The following CELSR1 variants were observed in gnomAD, a reference collection of about 807,000 sequenced individuals.
CELSR1 encodes the protein cadherin EGF LAG seven-pass G-type receptor 1, also known as adhesion G protein-coupled receptor C1.
CELSR1 carries 110 observed loss-of-function variants against 249.1 expected under a neutral mutation model. The observed-to-expected ratio is 0.44, with a 90% confidence interval of 0.38 to 0.52. The LOEUF is 0.52. CELSR1 is among the 20% of genes least tolerant of loss of function. The probability of loss-of-function intolerance (pLI) is 0.00; values close to 1 mark genes in which losing one functional copy is unlikely to be tolerated. For missense variants in CELSR1, 4,109 were observed against 4,296.4 expected, an observed-to-expected ratio of 0.96 and a Z score of 1.22; for synonymous variants, 2,113 against 1,900.0, an observed-to-expected ratio of 1.11 and a Z score of -2.92.
Position 46,389,484 on chromosome 22 carries a change from G to A in CELSR1, c.6361C>T (p.Arg2121Cys), listed in dbSNP as rs575259420. 1.2e-4 allele frequency: 190 copies of A among 1,613,322 alleles called. No homozygotes were observed. The highest frequency in any genetic ancestry group is 1.5e-4 in the Non-Finnish European group (172 of 1,180,012). The change falls in exon 18 of 35, where the codon CGC (arginine) becomes TGC (cysteine). Residue 2121 changes from arginine (R) to cysteine (C), a missense_variant. Coordinates refer to ENST00000674500, the MANE Select transcript of CELSR1 (RefSeq NM_001378328.1). ...DLRAMNEKLS[R>C]NETQVDGARA... Reference sequence around the variant, plus strand: ...GCGCCGTCCACCTGCGTCTCATTGCGGCTCAGCTTCTCATTCTGGAACAGG... The same window carrying A: ...GCGCCGTCCACCTGCGTCTCATTGCAGCTCAGCTTCTCATTCTGGAACAGG...
chr22:46,405,742 G>A (rs1224502265), intron 9 of CELSR1, among the ~76,000 whole-genome samples: 1 of 152,102 alleles, frequency 6.6e-6, no homozygotes, highest in Non-Finnish European at 1.5e-5. Context: ...GATTACAATG[G>A]AGTCTTCTTT....
rs1488154251 is a variant in CELSR1 at position 46,401,701 on chromosome 22, C to T, written c.5227-1799G>A. Among the ~76,000 whole-genome samples, 1 of 152,234 alleles carries T rather than the reference C, an allele frequency of 6.6e-6. No homozygotes were observed. The highest frequency in any genetic ancestry group is 2.4e-5 in the African/African-American group (1 of 41,454). On this transcript the variant is annotated intron_variant, in intron 9 of 34. Coordinates refer to ENST00000674500, the MANE Select transcript of CELSR1 (RefSeq NM_001378328.1). The surrounding 1 kb of genome is among the most constrained non-coding windows in gnomAD (Gnocchi z 4.7). ...AGGATTAAAAACTGGGGTTCATGGA[C>T]TGCCAAGGGTTGTTCCTTGGCTTCT...
intron 1 of CELSR1, among the ~76,000 whole-genome samples, chr22:46,532,795 C>T (rs367897079): frequency 4.7e-4 from 72 of 152,246 alleles, no homozygotes; most frequent in African/African-American, 1.6e-3. Context: ...TTCTGTGTCT[C>T]CCAATTCCAA....
Position 46,517,572 on chromosome 22 carries a change from C to G in CELSR1, c.3544+16055G>C, listed in dbSNP as rs1292641656. On this transcript the variant is annotated intron_variant, in intron 1 of 34. Transcript: ENST00000674500. The surrounding 1 kb of genome is among the most constrained non-coding windows in gnomAD (Gnocchi z 5.4). ...CAGTAAGGTGCCCCTGCAGACACGCCGCAAAACACGCCCCTGAGCTTCCCG... is the reference window on the plus strand; with the variant it reads ...CAGTAAGGTGCCCCTGCAGACACGCGGCAAAACACGCCCCTGAGCTTCCCG... Among the ~76,000 whole-genome samples, 1 of 152,174 alleles carries G rather than the reference C, an allele frequency of 6.6e-6. No individual in the cohort carries two copies.
Position 46,437,521 on chromosome 22 carries a change from C to T in CELSR1, c.4407-1232G>A, listed in dbSNP as rs1201194238. Among the ~76,000 whole-genome samples the T allele has an allele frequency of 1.3e-5, 2 of 152,238 alleles. No individual in the cohort carries two copies. Among genetic ancestry groups the T allele is most frequent in the East Asian group, 1.9e-4 (1 of 5,174 alleles). On this transcript the variant is annotated intron_variant, in intron 3 of 34. Transcript: ENST00000674500. The surrounding 1 kb of genome is among the most constrained non-coding windows in gnomAD (Gnocchi z 4.9). ...CTGTAATCCCAGCACTTTGGGAGGC[C>T]GAGGTGGGTGGATCACCTGAGGTCA...
At chr22:46,389,551 A>G in intron 17 of CELSR1, 52 bp from the exon 18 acceptor site, 5 of 1,566,546 alleles carry the variant, frequency 3.2e-6, no homozygotes, top group Non-Finnish European at 4.4e-6. Flanking sequence ...GGCCGCTTTC[A>G]GTCCCTGCTG....
intron 5 of CELSR1, among the ~76,000 whole-genome samples, chr22:46,416,461 G>A (rs1478743062): frequency 6.8e-6 from 1 of 147,606 alleles, no homozygotes; most frequent in Non-Finnish European, 1.5e-5. Flanking sequence ...TCAGTAGCTG[G>A]ACCTGGTCAC....
rs1034401556 is a variant in CELSR1, at chr22:46,454,831, C to T, written c.4183+8876G>A. Among the ~76,000 whole-genome samples, 1 of 152,258 alleles carries T rather than the reference C, an allele frequency of 6.6e-6. No individual in the cohort carries two copies. Among genetic ancestry groups the T allele is most frequent in the Non-Finnish European group, 1.5e-5 (1 of 68,042 alleles). ...CAGCCCTGGTTCCCAAACTCCTTAG[C>T]TCCTCAGCGAAGGAGCACCCACGGC... On this transcript the variant is annotated intron_variant, in intron 2 of 34. Transcript: ENST00000674500. This position sits in a 1 kb window ranked among gnomAD's most constrained non-coding sequence, Gnocchi z 5.1.
Position 46,399,631 on chromosome 22 carries a change from G to A in CELSR1, c.5412+86C>T. Reference sequence around the variant, plus strand: ...CCCCAAATCCACAAGGTCTCTGGTGGGTCCTGGCACGTCAAGGGGTCATTC... The same window carrying A: ...CCCCAAATCCACAAGGTCTCTGGTGAGTCCTGGCACGTCAAGGGGTCATTC... On this transcript the variant is annotated intron_variant, in intron 10 of 34. Transcript: ENST00000674500. This position sits in a 1 kb window ranked among gnomAD's most constrained non-coding sequence, Gnocchi z 5.0. The A allele has an allele frequency of 1.5e-6, 2 of 1,377,904 alleles. No homozygotes were observed. Among genetic ancestry groups the A allele is most frequent in the South Asian group, 1.3e-5 (1 of 78,554 alleles). 85.4% of individuals were successfully genotyped at this position (1,377,904 alleles called of 1,614,324 possible). A position where few individuals can be genotyped will look rare whatever the true frequency, so the allele number is the denominator to read the frequency against.
Position 46,411,189 on chromosome 22 carries a change from A to C in CELSR1, c.4769+413T>G, listed in dbSNP as rs754782618. Among the ~76,000 whole-genome samples, 1 of 152,106 alleles carries C rather than the reference A, an allele frequency of 6.6e-6. No individual in the cohort carries two copies. Among genetic ancestry groups the C allele is most frequent in the Non-Finnish European group, 1.5e-5 (1 of 68,010 alleles). On this transcript the variant is annotated intron_variant, in intron 6 of 34. Coordinates refer to ENST00000674500, the MANE Select transcript of CELSR1 (RefSeq NM_001378328.1). This position sits in a 1 kb window ranked among gnomAD's most constrained non-coding sequence, Gnocchi z 4.2. Reference sequence around the variant, plus strand: ...ACTCCAGCCTGGGCAACAGAGCGAGACCCCATCTCAGAAAAAAACAAAACA... The same window carrying C: ...ACTCCAGCCTGGGCAACAGAGCGAGCCCCCATCTCAGAAAAAAACAAAACA...
rs201570836 is a variant in CELSR1, at chr22:46,535,056, G to A, written c.2115C>T (p.Ser705=). 1.8e-4 allele frequency: 286 copies of A among 1,612,504 alleles called. No individual in the cohort carries two copies. Among genetic ancestry groups the A allele is most frequent in the Non-Finnish European group, 2.3e-4 (268 of 1,179,990 alleles). Residue 705 remains serine, a synonymous_variant, in exon 1 of 35, where the codon AGC becomes AGT. Transcript: ENST00000674500. ...GGTCGCGGGCCTGCAGGGTCAGCAC[G>A]CTGCTCCCCACGGCCGCATCCTCAT... The part of the protein sequence containing the change: ...RLNEDAAVGS[S]VLTLQARDRD...
rs780905325 is a variant in CELSR1, at chr22:46,535,242, G to C, written c.1929C>G (p.Ala643=). ...GCTCCACCTCCTCGCGGTCCAGCTCGGCACACACTGTGATCCAACCGGAGC... is the reference window on the plus strand; with the variant it reads ...GCTCCACCTCCTCGCGGTCCAGCTCCGCACACACTGTGATCCAACCGGAGC... ...HNSSGWITVC[A]ELDREEVEHY... The change falls in exon 1 of 35, where the codon GCC becomes GCG. Residue 643 remains alanine, a synonymous_variant. Transcript: ENST00000674500. 1.9e-6 allele frequency: 3 copies of C among 1,609,586 alleles called. No individual in the cohort carries two copies. Among genetic ancestry groups the C allele is most frequent in the East Asian group, 2.2e-5 (1 of 44,874 alleles).
Position 46,381,762 on chromosome 22 carries a change from G to T in CELSR1, c.7088+84C>A. On this transcript the variant is annotated intron_variant, in intron 21 of 34. Coordinates refer to ENST00000674500, the MANE Select transcript of CELSR1 (RefSeq NM_001378328.1). The surrounding 1 kb of genome is among the most constrained non-coding windows in gnomAD (Gnocchi z 6.0). ...AATGTCACTGTGAAGACCTGTGCTT[G>T]ATCAGGATCAGGATTTTGACCTGTG... 1 of 1,253,522 alleles carries T rather than the reference G, an allele frequency of 8.0e-7. No individual in the cohort carries two copies. Among genetic ancestry groups the T allele is most frequent in the South Asian group, 1.4e-5 (1 of 73,240 alleles). The allele number at this position is 1,253,522 out of a possible 1,614,324, so 77.6% of individuals were successfully genotyped here.
chr22:46,462,901 G>C (rs1406213459), intron 2 of CELSR1: 2 of 468,616 alleles, frequency 4.3e-6, no homozygotes, highest in Non-Finnish European at 4.4e-6. Context: ...AGAGGCGGGA[G>C]GATGAGTCAC....
chr22:46,439,738 T>C (rs2079719849), intron 2 of CELSR1, among the ~76,000 whole-genome samples: 1 of 152,100 alleles, frequency 6.6e-6, no homozygotes, highest in Admixed American at 6.5e-5. Flanking sequence ...CTGAGCACCC[T>C]GCAGGCTGAG....
intron 1 of CELSR1, among the ~76,000 whole-genome samples, chr22:46,520,167 C>T (rs1202484215): frequency 6.6e-6 from 1 of 151,880 alleles, no homozygotes; most frequent in Non-Finnish European, 1.5e-5. Flanking sequence ...AGCCACTGCG[C>T]CCAGCCCCCT....
chr22:46,422,607 A>G (rs934971970), intron 5 of CELSR1, among the ~76,000 whole-genome samples: 77 of 150,418 alleles, frequency 5.1e-4, no homozygotes, highest in African/African-American at 1.9e-3. Flanking sequence ...AAATAAATAA[A>G]TAAATAAAAA....
Position 46,390,886 on chromosome 22 carries a change from C to A in CELSR1, c.6250+300G>T, listed in dbSNP as rs901954783. 3.3e-5 allele frequency among the ~76,000 whole-genome samples: 5 copies of A among 152,220 alleles called. No individual in the cohort carries two copies. The highest frequency in any genetic ancestry group is 1.2e-4 in the African/African-American group (5 of 41,458). Reference sequence around the variant, plus strand: ...CAATGTCCCCATTTCACAGAGGTAACCCGATGCTATGAACAGTGAAGCCAC... The same window carrying A: ...CAATGTCCCCATTTCACAGAGGTAAACCGATGCTATGAACAGTGAAGCCAC... On this transcript the variant is annotated intron_variant, in intron 16 of 34. Transcript: ENST00000674500. This position sits in a 1 kb window ranked among gnomAD's most constrained non-coding sequence, Gnocchi z 6.3.
chr22:46,377,866 A>G (rs1292503156), intron 23 of CELSR1, among the ~76,000 whole-genome samples: 1 of 152,206 alleles, frequency 6.6e-6, no homozygotes, highest in East Asian at 1.9e-4. Flanking sequence ...CTTCACATCA[A>G]AAAGCCCTCG....
Sources: allele counts gnomAD v4.1 joint callset (sites outside exome capture counted in the v4.1 genomes callset), GRCh38; gene constraint gnomAD v4.1.1; non-coding constraint Gnocchi (gnomAD v3.1); transcripts MANE v1.5; gene names NCBI Gene and HGNC (gene_info 2026-07-23, HGNC 2026-07-21).